Variants in DNAH1 observed in about 807,000 individuals in gnomAD.
The protein encoded by DNAH1 is dynein axonemal heavy chain 1.
A neutral mutation model predicts 484.3 loss-of-function variants in DNAH1; 327 were observed. That is an observed-to-expected ratio of 0.68 (90% CI 0.62 to 0.74). DNAH1 has a LOEUF of 0.74. DNAH1 is among the 30% of genes least tolerant of loss of function. The pLI is 0.00. For synonymous variants in DNAH1, 2,192 were observed against 2,191.9 expected, an observed-to-expected ratio of 1.00 and a Z score of 0.00; for missense variants, 5,052 against 5,546.8, an observed-to-expected ratio of 0.91 and a Z score of 2.83.
Position 52,327,943 on chromosome 3 carries a change from A to G in DNAH1, c.800A>G (p.Glu267Gly). 1 of 1,613,988 alleles carries G rather than the reference A, an allele frequency of 6.2e-7. No individual in the cohort carries two copies. Among genetic ancestry groups the G allele is most frequent in the Non-Finnish European group, 8.5e-7 (1 of 1,179,850 alleles). Residue 267 changes from glutamate to glycine, a missense_variant, in exon 6 of 78, where the codon GAG (glutamate) becomes GGG (glycine). Transcript: ENST00000420323. The part of the protein sequence containing the change: ...TPREWINMGL[E>G]PGSLDRKPVP... Reference sequence around the variant, plus strand: ...AGAGAGTGGATCAACATGGGCTTGGAGCCAGGGTCTCTGGACAGGAAACCT... The same window carrying G: ...AGAGAGTGGATCAACATGGGCTTGGGGCCAGGGTCTCTGGACAGGAAACCT...
intron 46 of DNAH1, among the ~76,000 whole-genome samples, chr3:52,376,585 G>C (rs916183905): frequency 1.3e-5 from 2 of 152,134 alleles, no homozygotes; most frequent in Admixed American, 6.5e-5. Flanking sequence ...GCCTGCCTGG[G>C]AATGTGGCAC....
intron 14 of DNAH1, among the ~76,000 whole-genome samples, 181 bp downstream of exon 14, chr3:52,349,601 T>C (rs1024470625): frequency 3.9e-5 from 6 of 152,166 alleles, no homozygotes; most frequent in African/African-American, 1.2e-4. Flanking sequence ...CAGAGAGCTG[T>C]CCTGTATGGG....
intron 46 of DNAH1, among the ~76,000 whole-genome samples, chr3:52,378,206 TC>T (rs1278098421): frequency 2.0e-5 from 3 of 151,904 alleles, no homozygotes; most frequent in Admixed American, 6.6e-5. Flanking sequence ...CCACGCCCAC[TC>T]CGGCATCTTG....
At chr3:52,369,026 G>A in intron 37 of DNAH1, 108 bp downstream of exon 37, 4 of 1,301,800 alleles carry the variant, frequency 3.1e-6, no homozygotes, top group Non-Finnish European at 4.3e-6. Context: ...TCAGGGCCAT[G>A]GGTCCATCTC....
chr3:52,313,336 G>A (rs1171090762), upstream of DNAH1, among the ~76,000 whole-genome samples: 1 of 152,042 alleles, frequency 6.6e-6, no homozygotes, highest in East Asian at 1.9e-4. Context: ...AGTGGAGGAG[G>A]GACAAAGAGT....
Position 52,370,016 on chromosome 3 carries a change from G to A in DNAH1, c.6135G>A (p.Leu2045=), listed in dbSNP as rs775781402. 8 of 1,612,920 alleles carry A rather than the reference G, an allele frequency of 5.0e-6. No homozygotes were observed. Among genetic ancestry groups the A allele is most frequent in the Middle Eastern group, 1.6e-4 (1 of 6,078 alleles). The change falls in exon 38 of 78, where the codon CTG becomes CTA. Residue 2045 remains leucine, a synonymous_variant. Transcript: ENST00000420323. ...EHFKALFVSF[L]EESISFVRSS... is the part of the protein sequence containing the mutation. The stretch of plus-strand genomic sequence containing the variant: ...TCAAGGCCCTCTTTGTCAGCTTCCT[G>A]GAGGTGAGTGAGGCCACGGGTATGT...
rs779572237 is a variant in DNAH1 at position 52,350,075 on chromosome 3, G to A, written c.2613G>A (p.Met871Ile). The change falls in exon 15 of 78, where the codon ATG becomes ATA. Residue 871 changes from methionine to isoleucine, a missense_variant. Around this residue, in one of 4 missense-constraint regions of DNAH1, gnomAD observed 1,263 missense variants for 1,218.8 expected, o/e 1.04. Transcript: ENST00000420323. ...AGCTGGCTGAGCTGCGAGAGTGGAT[G>A]AAGGGCATCCCGGAGAGGCTGGTGG... ...IEELAELREW[M>I]KGIPERLVGL... 5 of 1,612,774 alleles carry A rather than the reference G, an allele frequency of 3.1e-6. No homozygotes were observed. The South Asian group carries it at 3.3e-5, about 11-fold the overall frequency.
chr3:52,362,829 C>G lies in DNAH1; in HGVS notation c.5095-166C>G, dbSNP rs1702918720. Among the ~76,000 whole-genome samples, 1 of 152,182 alleles carries G rather than the reference C, an allele frequency of 6.6e-6. No individual in the cohort carries two copies. The highest frequency in any genetic ancestry group is 2.4e-5 in the African/African-American group (1 of 41,434). On this transcript the variant is annotated intron_variant, in intron 31 of 77. Transcript: ENST00000420323. This position sits in a 1 kb window ranked among gnomAD's most constrained non-coding sequence, Gnocchi z 5.1. Reference sequence around the variant, plus strand: ...GCAGGTTTGGATCAACACCAAGGATCCACTCTAATGGCAGAGCTACCAGTC... The same window carrying G: ...GCAGGTTTGGATCAACACCAAGGATGCACTCTAATGGCAGAGCTACCAGTC...
rs138341550 is a variant in DNAH1, at chr3:52,370,174, C to G, written c.6203C>G (p.Thr2068Ser). 7.5e-5 allele frequency: 121 copies of G among 1,613,892 alleles called. No homozygotes were observed. Among genetic ancestry groups the G allele is most frequent in the Non-Finnish European group, 9.2e-5 (109 of 1,179,900 alleles). Reference protein sequence around the residue: ...EVIASTNCNLTMSLLKLLDCF... With the variant: ...EVIASTNCNLSMSLLKLLDCF... ...ATCGCCTCAACCAACTGCAACCTGA[C>G]CATGAGCCTCCTCAAGCTGCTGGAC... Residue 2068 changes from threonine to serine, a missense_variant, in exon 39 of 78, where the codon ACC becomes AGC. By Grantham distance (58) the Thr-to-Ser change is moderately conservative (BLOSUM62 1). Transcript: ENST00000420323.
At chr3:52,340,007 T>C (rs1364508670) in intron 8 of DNAH1, among the ~76,000 whole-genome samples, 1 of 152,184 alleles carries the variant, frequency 6.6e-6, no homozygotes, top group Non-Finnish European at 1.5e-5. Flanking sequence ...TGCCTTTGAA[T>C]TGCATGCCCT....
chr3:52,346,751 T>C lies in DNAH1; in HGVS notation c.1936T>C (p.Leu646=). ...CGATGACATGGTCTGGGGTGACGACTTAATTAACAGCCCCTACAGGTGGGG... is the reference window on the plus strand; with the variant it reads ...CGATGACATGGTCTGGGGTGACGACCTAATTAACAGCCCCTACAGGTGGGG... The part of the protein sequence containing the change: ...CTDDMVWGDD[L]INSPYRPRKN... Residue 646 remains leucine (L), a synonymous_variant, in exon 11 of 78, where the codon TTA becomes CTA. Transcript: ENST00000420323. 6.2e-7 allele frequency: 1 copy of C among 1,606,456 alleles called. No individual in the cohort carries two copies. The highest frequency in any genetic ancestry group is 2.2e-5 in the East Asian group (1 of 44,640).
At chr3:52,332,075 G>T in intron 7 of DNAH1, 67 bp from the exon 8 acceptor site, 1 of 1,513,172 alleles carries the variant, frequency 6.6e-7, no homozygotes. Flanking sequence ...ACAGCCGGCC[G>T]GAACCTAGTG....
In DNAH1 at chr3:52,391,269, C is replaced by A; in HGVS notation, c.9832C>A (p.Leu3278Ile). The A allele has an allele frequency of 6.2e-7, 1 of 1,613,628 alleles. No individual in the cohort carries two copies. The highest frequency in any genetic ancestry group is 8.5e-7 in the Non-Finnish European group (1 of 1,179,722). Residue 3278 changes from leucine to isoleucine, a missense_variant, in exon 62 of 78, where the codon CTC becomes ATC. Leu to Ile is a conservative substitution (Grantham distance 5, BLOSUM62 2). Around this residue, in one of 4 missense-constraint regions of DNAH1, gnomAD observed 2,929 missense variants for 3,409.4 expected, o/e 0.86. Transcript: ENST00000420323. ...CGCCATCCGCTTTGGCAAGCCATGT[C>A]TCCTGGAGAACGTGGGCGAGGAGCT... is the stretch of plus-strand genomic sequence containing the variant. Reference protein sequence around the residue: ...ENAIRFGKPCLLENVGEELDP... With the variant: ...ENAIRFGKPCILENVGEELDP...
chr3:52,329,805 A>G (rs1030723225), intron 6 of DNAH1, among the ~76,000 whole-genome samples: 5 of 151,880 alleles, frequency 3.3e-5, no homozygotes, highest in African/African-American at 1.2e-4. Context: ...AGCCTGGGCA[A>G]CAGAGTGAGA....
chr3:52,389,584 C>T lies in DNAH1; in HGVS notation c.9619C>T (p.Gln3207Ter). The change falls in exon 60 of 78, where the codon CAG (glutamine) becomes TAG (stop). Residue 3207 changes from glutamine (Q) to a stop codon, truncating the protein, a stop_gained and splice_region_variant. Coordinates refer to ENST00000420323, the MANE Select transcript of DNAH1 (RefSeq NM_015512.5). LOFTEE classifies it high-confidence loss of function. ...LGNPVKIRSW[Q>*]IAGLPNDTLS... ...GAACCCTGTGAAGATCCGATCGTGG[C>T]AGGTGCCCACCCCAGGGGCAGGAGT... 4.7e-6 allele frequency: 7 copies of T among 1,485,870 alleles called. No individual in the cohort carries two copies. The highest frequency in any genetic ancestry group is 6.3e-6 in the Non-Finnish European group (7 of 1,116,604). The allele number at this position is 1,485,870 out of a possible 1,614,324, so 92.0% of individuals were successfully genotyped here.
intron 15 of DNAH1, 132 bp from the exon 16 acceptor site, chr3:52,350,376 T>C: frequency 1.0e-6 from 1 of 986,156 alleles, no homozygotes; most frequent in Non-Finnish European, 1.5e-6. Context: ...CTGGGCCTCC[T>C]CCCCTGGCCC....
chr3:52,354,819 A>G, intron 20 of DNAH1, 24 bp from the exon 21 acceptor site: 1 of 1,610,872 alleles, frequency 6.2e-7, no homozygotes, highest in Non-Finnish European at 8.5e-7. Flanking sequence ...CCCAGGACTC[A>G]GCCTGGCTTG....
chr3:52,373,585 A>G, intron 44 of DNAH1: 1 of 1,474,664 alleles, frequency 6.8e-7, no homozygotes, highest in South Asian at 1.1e-5. Flanking sequence ...AAGAAAGACA[A>G]ACAGCAAAAT....
chr3:52,378,738 G>A lies in DNAH1; in HGVS notation c.7335G>A (p.Lys2445=), dbSNP rs745585015. ...CCTTCAACCTGAGGGACCTCTCCAA[G>A]GTCTTCCAAGGCATGCTCATGGCTG... ...HYTFNLRDLS[K]VFQGMLMADP... The change falls in exon 47 of 78, where the codon AAG becomes AAA. Residue 2445 remains lysine, a synonymous_variant. Coordinates refer to ENST00000420323, the MANE Select transcript of DNAH1 (RefSeq NM_015512.5). 1.9e-6 allele frequency: 3 copies of A among 1,613,660 alleles called. No homozygotes were observed. The highest frequency in any genetic ancestry group is 2.5e-6 in the Non-Finnish European group (3 of 1,179,870).
Sources: allele counts gnomAD v4.1 joint callset (sites outside exome capture counted in the v4.1 genomes callset), GRCh38; gene constraint gnomAD v4.1.1; regional missense constraint gnomAD v4.1.1; non-coding constraint Gnocchi (gnomAD v3.1); transcripts MANE v1.5; gene names NCBI Gene and HGNC (gene_info 2026-07-23, HGNC 2026-07-21).